Variants in RNF213 observed in about 807,000 individuals in gnomAD.
RNF213 encodes the protein ring finger protein 213.
RNF213 carries 341 observed loss-of-function variants against 514.4 expected under a neutral mutation model. The ratio of observed to expected loss-of-function variants is 0.66; its 90% CI spans 0.61 to 0.73. RNF213 has a LOEUF of 0.73. Among genes scored for constraint, RNF213 ranks in the 30% least tolerant of loss-of-function variants. The pLI is 0.00. For synonymous variants in RNF213, 2,655 were observed against 2,658.2 expected (o/e 1.00, Z 0.04); for missense variants, 5,767 against 6,615.6 (o/e 0.87, Z 4.45).
chr17:80,302,111 T>C (rs1214506440), intron 11 of RNF213, among the ~76,000 whole-genome samples: 3 of 152,080 alleles, frequency 2.0e-5, no homozygotes. Flanking sequence ...AGTAGAATAG[T>C]AGTTACGAGA....
intron 63 of RNF213, among the ~76,000 whole-genome samples, chr17:80,388,293 C>T (rs777738314): frequency 2.0e-5 from 3 of 152,188 alleles, no homozygotes; most frequent in Non-Finnish European, 4.4e-5. Context: ...ATGGTCTGTG[C>T]CTTTAGTGGC....
chr17:80,354,443 T>A lies in RNF213; in HGVS notation c.10729T>A (p.Ser3577Thr). ...CGTCTGTTTCTGCCTTTGTACAGCCTCTTTCTTGCGGGTATCCAAGATGCG... is the reference window on the plus strand; with the variant it reads ...CGTCTGTTTCTGCCTTTGTACAGCCACTTTCTTGCGGGTATCCAAGATGCG... ...LLNEDDACHASFLRVSKMRLS... is the reference protein window; with the variant it reads ...LLNEDDACHATFLRVSKMRLS... Residue 3577 changes from serine to threonine, a missense_variant and splice_region_variant, in exon 36 of 68, where the codon TCT (serine) becomes ACT (threonine). Around this residue, in one of 13 missense-constraint regions of RNF213, gnomAD observed 919 missense variants for 1,121.0 expected, o/e 0.82. Coordinates refer to ENST00000582970, the MANE Select transcript of RNF213 (RefSeq NM_001256071.3). 1 of 1,614,202 alleles carries A rather than the reference T, an allele frequency of 6.2e-7. No individual in the cohort carries two copies. The highest frequency in any genetic ancestry group is 1.1e-5 in the South Asian group (1 of 91,084).
intron 22 of RNF213, among the ~76,000 whole-genome samples, chr17:80,334,751 C>A (rs533793640): frequency 5.9e-5 from 9 of 151,408 alleles, no homozygotes; most frequent in Admixed American, 4.0e-4. Flanking sequence ...CTCAGCCTCC[C>A]GAGTAGCTGG....
intron 10 of RNF213, among the ~76,000 whole-genome samples, chr17:80,296,018 C>T (rs898239032): frequency 6.6e-6 from 1 of 151,948 alleles, no homozygotes; most frequent in Non-Finnish European, 1.5e-5. Context: ...TGTTGAATTC[C>T]CTGCCTTTTG....
intron 6 of RNF213, 53 bp from the exon 7 acceptor site, chr17:80,290,517 G>T: frequency 6.2e-7 from 1 of 1,610,644 alleles, no homozygotes. Context: ...GCATGCACAT[G>T]GCAGGTGGAC....
At chr17:80,325,431 A>G (rs2046254570) in intron 18 of RNF213, among the ~76,000 whole-genome samples, 2 of 152,122 alleles carry the variant, frequency 1.3e-5, no homozygotes, top group Non-Finnish European at 2.9e-5. Flanking sequence ...TACCCTAGCG[A>G]CTGTGCTGGG....
chr17:80,288,351 C>G lies in RNF213; in HGVS notation c.798C>G (p.Ala266=). 3 of 1,612,448 alleles carry G rather than the reference C, an allele frequency of 1.9e-6. No individual in the cohort carries two copies. The highest frequency in any genetic ancestry group is 2.5e-6 in the Non-Finnish European group (3 of 1,179,998). The change falls in exon 4 of 68, where the codon GCC becomes GCG. Residue 266 remains alanine (A), a synonymous_variant. Coordinates refer to ENST00000582970, the MANE Select transcript of RNF213 (RefSeq NM_001256071.3). The surrounding 1 kb of genome is among the most constrained non-coding windows in gnomAD (Gnocchi z 4.9). ...ELQTTEQQAG[A]SASMAVDAVA... ...AGACCACCGAGCAACAGGCAGGGGC[C>G]TCAGCCTCTATGGTGAGTCATCCGG...
chr17:80,329,828 C>T lies in RNF213; in HGVS notation c.3517+1351C>T, dbSNP rs549401408. Among the ~76,000 whole-genome samples, 191 of 152,218 alleles carry T rather than the reference C, an allele frequency of 1.3e-3. 1 individual carries two copies. Among genetic ancestry groups the T allele is most frequent in the African/African-American group, 4.5e-3 (188 of 41,524 alleles). On this transcript the variant is annotated intron_variant, in intron 20 of 67. Transcript: ENST00000582970. ...CTTGGGTGACAGAGTGGGACCCTGT[C>T]TCAAAAAATAAAATATTTTCAGTCC... is the stretch of plus-strand genomic sequence containing the variant.
At chr17:80,367,274 C>T (rs188880296) in intron 42 of RNF213, among the ~76,000 whole-genome samples, 2 of 152,084 alleles carry the variant, frequency 1.3e-5, no homozygotes, top group South Asian at 2.1e-4. Flanking sequence ...TGGGGAGGGA[C>T]GGAGGGATGT....
intron 3 of RNF213, among the ~76,000 whole-genome samples, chr17:80,275,021 G>C (rs1280254226): frequency 7.4e-6 from 1 of 135,362 alleles, no homozygotes; most frequent in Non-Finnish European, 1.6e-5. Flanking sequence ...GTTGGTGTGT[G>C]AGTGGGGTGT....
intron 3 of RNF213, among the ~76,000 whole-genome samples, chr17:80,281,491 TA>T (rs1568006449): frequency 6.4e-5 from 1 of 15,508 alleles, no homozygotes; most frequent in Non-Finnish European, 1.3e-4. Flanking sequence ...CCAACATACA[TA>T]CACCCCACTC....
At chr17:80,382,660 C>G (rs1391673633) in intron 57 of RNF213, 3 of 344,992 alleles carry the variant, frequency 8.7e-6, no homozygotes, top group Non-Finnish European at 1.7e-5. Context: ...TGGGTGGCAG[C>G]AGCTGAGACG....
In RNF213 at chr17:80,389,065, GCC is replaced by G. The variant is rs5822351; in HGVS notation, c.15001-103_15001-102del. 4,038 of 1,056,248 alleles carry G rather than the reference GCC, an allele frequency of 3.8e-3. 108 individuals are homozygous for G. In the African/African-American group the frequency reaches 0.054, roughly 14 times the overall value. The allele number at this position is 1,056,248 out of a possible 1,614,324, so 65.4% of individuals were successfully genotyped here. A position where few individuals can be genotyped will look rare whatever the true frequency, so the allele number is the denominator to read the frequency against. ...CCAAGTGTCAGCTGTTAGAGAGTTG[GCC>G]CCCCGCATGTGGCTTGGGCAGTGAA... On this transcript the variant is annotated intron_variant, in intron 64 of 67. Coordinates refer to ENST00000582970, the MANE Select transcript of RNF213 (RefSeq NM_001256071.3).
rs374075886 is a variant in RNF213, at chr17:80,361,872, C to A, written c.11339C>A (p.Thr3780Lys). The A allele has an allele frequency of 6.2e-7, 1 of 1,612,898 alleles. No individual in the cohort carries two copies. Residue 3780 changes from threonine to lysine, a missense_variant, in exon 39 of 68, where the codon ACG becomes AAG. Transcript: ENST00000582970. ...ATTCTCTTGACCATGCGTGTGTCAACGGAGGAGGAATTAAAGGTAGATGTT... is the reference window on the plus strand; with the variant it reads ...ATTCTCTTGACCATGCGTGTGTCAAAGGAGGAGGAATTAAAGGTAGATGTT... The part of the protein sequence containing the change: ...DFILLTMRVS[T>K]EEELKFLQMA...
chr17:80,362,970 A>G, intron 39 of RNF213, 132 bp from the exon 40 acceptor site: 1 of 890,904 alleles, frequency 1.1e-6, no homozygotes, highest in Non-Finnish European at 1.8e-6. Flanking sequence ...GACAGAAGCA[A>G]ACGGGACAGA....
rs1422162953 is a variant in RNF213, at chr17:80,386,231, A to G, written c.14540-19A>G. The G allele has an allele frequency of 3.7e-6, 6 of 1,602,906 alleles. 1 individual carries two copies. The African/African-American group carries it at 4.0e-5, about 11-fold the overall frequency. ...AGTTGGAACTCCTCTCTGCTTAAGCATAACCCTGTCGTTTAAAGGTGAGAT... is the reference window on the plus strand; with the variant it reads ...AGTTGGAACTCCTCTCTGCTTAAGCGTAACCCTGTCGTTTAAAGGTGAGAT... On this transcript the variant is annotated intron_variant, in intron 61 of 67. Transcript: ENST00000582970.
Position 80,369,369 on chromosome 17 carries a change from G to A in RNF213, c.12156-133G>A, listed in dbSNP as rs2079416876. 9 of 897,196 alleles carry A rather than the reference G, an allele frequency of 1.0e-5. No individual in the cohort carries two copies. In the East Asian group the frequency reaches 2.2e-4, roughly 22 times the overall value. The allele number at this position is 897,196 out of a possible 1,614,324, so 55.6% of individuals were successfully genotyped here. On this transcript the variant is annotated intron_variant, in intron 44 of 67. Transcript: ENST00000582970. Reference sequence around the variant, plus strand: ...GCGGAGATCGCGCCACTGTACTCCAGCCTGGGCAACAAGAGTGAAACTCCG... The same window carrying A: ...GCGGAGATCGCGCCACTGTACTCCAACCTGGGCAACAAGAGTGAAACTCCG...
At chr17:80,319,717 TG>T in intron 17 of RNF213, 2 of 1,415,028 alleles carry the variant, frequency 1.4e-6, no homozygotes, top group Non-Finnish European at 1.8e-6. Flanking sequence ...AAGCAAAATA[TG>T]TGAAATGGAA....
intron 64 of RNF213, 150 bp downstream of exon 64, chr17:80,388,839 C>T (rs1167397162): frequency 1.4e-6 from 1 of 722,414 alleles, no homozygotes; most frequent in Admixed American, 2.1e-5. Context: ...AGCAAGACAG[C>T]AAATCAGCAA....
Sources: gnomAD v4.1 joint callset for allele counts (sites outside exome capture counted in the v4.1 genomes callset) on GRCh38, gnomAD v4.1.1 for gene constraint, gnomAD v4.1.1 regional missense constraint, Gnocchi (gnomAD v3.1) non-coding constraint, MANE v1.5 for transcripts, NCBI Gene and HGNC (gene_info 2026-07-23, HGNC 2026-07-21) for gene names.